ELMO1: variants seen among roughly 807,000 people sequenced by gnomAD.
The protein encoded by ELMO1 is engulfment and cell motility 1.
In ELMO1, 26 loss-of-function variants were observed where a neutral mutation model predicts 98.9. The observed-to-expected ratio is 0.26, with a 90% confidence interval of 0.19 to 0.36. The LOEUF (loss-of-function observed/expected upper bound fraction) is 0.36. ELMO1 is among the 10% of genes least tolerant of loss of function. ELMO1 has a pLI of 1.00. For missense variants in ELMO1, 627 were observed against 935.2 expected, an observed-to-expected ratio of 0.67 and a Z score of 4.30; for synonymous variants, 346 against 346.0, an observed-to-expected ratio of 1.00 and a Z score of 0.00.
At chr7:36,885,526 A>G (rs910847551) in intron 18 of ELMO1, among the ~76,000 whole-genome samples, 2 of 152,166 alleles carry the variant, frequency 1.3e-5, no homozygotes, top group Non-Finnish European at 2.9e-5. Context: ...ATGGGTGTCT[A>G]TTTGCCATTT....
At chr7:37,023,851 T>TG (rs1488316006) in intron 15 of ELMO1, among the ~76,000 whole-genome samples, 1 of 152,198 alleles carries the variant, frequency 6.6e-6, no homozygotes, top group Non-Finnish European at 1.5e-5. Context: ...CTCAAAGTTC[T>TG]GGGATTACAG....
chr7:37,244,168 AG>A (rs1325292343), intron 7 of ELMO1, among the ~76,000 whole-genome samples, 187 bp downstream of exon 7: 1 of 152,174 alleles, frequency 6.6e-6, no homozygotes, highest in Non-Finnish European at 1.5e-5. Flanking sequence ...AAGCAAAAAA[AG>A]GGGGGAAAAT....
At chr7:36,941,382 G>C (rs774946530) in intron 16 of ELMO1, among the ~76,000 whole-genome samples, 1 of 152,184 alleles carries the variant, frequency 6.6e-6, no homozygotes, top group Non-Finnish European at 1.5e-5. Flanking sequence ...TAAGCTCTGG[G>C]TTACACAGGT....
In ELMO1 at chr7:37,163,519, G is replaced by C. The variant is rs1319968900; in HGVS notation, c.1087-30285C>G. Among the ~76,000 whole-genome samples the C allele has an allele frequency of 2.4e-5, 3 of 123,104 alleles. No individual in the cohort carries two copies. The South Asian group carries it at 9.3e-4, about 38-fold the overall frequency. The allele number at this position is 123,104 out of a possible 152,430, so 80.8% of individuals were successfully genotyped here. ...TCCCCCAACCCCACAACAGTCCCCAGAGCGTGATGTTCCCCTTCCTGTGTC... is the reference window on the plus strand; with the variant it reads ...TCCCCCAACCCCACAACAGTCCCCACAGCGTGATGTTCCCCTTCCTGTGTC... On this transcript the variant is annotated intron_variant, in intron 13 of 21. Coordinates refer to ENST00000310758, the MANE Select transcript of ELMO1 (RefSeq NM_014800.11).
intron 13 of ELMO1, among the ~76,000 whole-genome samples, chr7:37,161,391 CTGT>C (rs1789191535): frequency 6.6e-6 from 1 of 152,168 alleles, no homozygotes; most frequent in Non-Finnish European, 1.5e-5. Flanking sequence ...CTTCCTGAGA[CTGT>C]TGAACTGTAC....
chr7:37,311,841 C>T (rs1425993911), intron 4 of ELMO1, among the ~76,000 whole-genome samples: 5 of 152,202 alleles, frequency 3.3e-5, no homozygotes, highest in Non-Finnish European at 7.3e-5. Context: ...ATGAAAAACT[C>T]CATGACAGAC....
intron 13 of ELMO1, among the ~76,000 whole-genome samples, chr7:37,154,596 C>T (rs965944685): frequency 3.3e-5 from 5 of 151,948 alleles, no homozygotes; most frequent in African/African-American, 7.3e-5. Context: ...TGAAAAAGAG[C>T]GAGAAGACAA....
rs944414080 is a variant in ELMO1 at position 37,049,391 on chromosome 7, G to A, written c.1301-35956C>T. Reference sequence around the variant, plus strand: ...AAAGGATTCTGCTTGGTGACCCTTCGAAACCAATTAAAACTATGTGATGCG... The same window carrying A: ...AAAGGATTCTGCTTGGTGACCCTTCAAAACCAATTAAAACTATGTGATGCG... On this transcript the variant is annotated intron_variant, in intron 15 of 21. Transcript: ENST00000310758. Among the ~76,000 whole-genome samples, 7 of 152,096 alleles carry A rather than the reference G, an allele frequency of 4.6e-5. No homozygotes were observed. In the East Asian group the frequency reaches 5.8e-4, roughly 13 times the overall value.
chr7:36,855,193 C>T lies in ELMO1; in HGVS notation c.*358G>A, dbSNP rs140927788. On this transcript the variant is annotated 3_prime_UTR_variant, in exon 22 of 22. Transcript: ENST00000310758. This position sits in a 1 kb window ranked among gnomAD's most constrained non-coding sequence, Gnocchi z 4.2. ...TTGGTCTGGTGGGCAAGTTTTTGGG[C>T]AGTCTGGGGCTGCTGGCTTTCCTGC... The T allele has an allele frequency of 2.5e-4, 71 of 280,380 alleles. No individual in the cohort carries two copies. Among genetic ancestry groups the T allele is most frequent in the African/African-American group, 1.4e-3 (63 of 45,910 alleles). The allele number at this position is 280,380 out of a possible 1,614,324, so 17.4% of individuals were successfully genotyped here.
intron 13 of ELMO1, among the ~76,000 whole-genome samples, chr7:37,164,239 C>T: frequency 6.6e-6 from 1 of 152,012 alleles, no homozygotes; most frequent in Non-Finnish European, 1.5e-5. Flanking sequence ...GGATATTAGC[C>T]CTTTGTCAGA....
chr7:36,891,098 A>G (rs527411667), intron 17 of ELMO1, among the ~76,000 whole-genome samples: 11 of 152,252 alleles, frequency 7.2e-5, no homozygotes, highest in Non-Finnish European at 1.6e-4. Flanking sequence ...CAACCTATTT[A>G]AAACTGCACT....
At chr7:37,105,928 C>A (rs750551665) in intron 14 of ELMO1, among the ~76,000 whole-genome samples, 1 of 152,172 alleles carries the variant, frequency 6.6e-6, no homozygotes, top group Non-Finnish European at 1.5e-5. Flanking sequence ...GGATGATGAT[C>A]ATGTCTTTGG....
intron 15 of ELMO1, among the ~76,000 whole-genome samples, chr7:37,067,931 C>T (rs1478447683): frequency 1.3e-5 from 2 of 152,160 alleles, no homozygotes; most frequent in Non-Finnish European, 2.9e-5. Flanking sequence ...ATAAATAAAA[C>T]AGTTCGAACT....
chr7:37,281,116 T>C (rs1475776533), intron 4 of ELMO1, among the ~76,000 whole-genome samples: 1 of 151,766 alleles, frequency 6.6e-6, no homozygotes, highest in East Asian at 1.9e-4. Context: ...ACTATTATTC[T>C]AAGTAAATTA....
chr7:37,110,064 G>A (rs1028386470), intron 14 of ELMO1, among the ~76,000 whole-genome samples: 2 of 152,222 alleles, frequency 1.3e-5, no homozygotes, highest in Non-Finnish European at 2.9e-5. Flanking sequence ...GAGGTATGTA[G>A]TGGGTACTGC....
intron 16 of ELMO1, among the ~76,000 whole-genome samples, chr7:36,922,347 C>CA (rs750588423): frequency 0.23 from 19,270 of 84,700 alleles, 2,015 homozygotes; most frequent in East Asian, 0.48. Flanking sequence ...CACAGACTTG[C>CA]AAAAAAAAAA....
chr7:37,273,673 C>G (rs1796684446), intron 4 of ELMO1, among the ~76,000 whole-genome samples: 1 of 152,064 alleles, frequency 6.6e-6, no homozygotes, highest in African/African-American at 2.4e-5. Context: ...GGAGGCCTTC[C>G]AGGACTCACC....
In ELMO1 at chr7:36,854,538, CA is replaced by C. The variant is rs70977201; in HGVS notation, c.*1012del. The C allele has an allele frequency of 0.5, 65,789 of 132,722 alleles. 15,358 individuals are homozygous for C. Among genetic ancestry groups the C allele is most frequent in the Non-Finnish European group, 0.55 (34,187 of 61,898 alleles). The allele number at this position is 132,722 out of a possible 1,614,324, so 8.2% of individuals were successfully genotyped here. ...TAGACTCTTTTGTACAAAAACAAAG[CA>C]AAAAAAAAAAAAAAAACTAACCCAA... On this transcript the variant is annotated 3_prime_UTR_variant, in exon 22 of 22. Transcript: ENST00000310758.
intron 1 of ELMO1, among the ~76,000 whole-genome samples, chr7:37,421,370 C>A (rs1401831597): frequency 6.6e-6 from 1 of 152,206 alleles, no homozygotes; most frequent in Non-Finnish European, 1.5e-5. Context: ...CAGTGCTCAC[C>A]CATTTTGCAA....
Sources: gnomAD v4.1 joint callset for allele counts (sites outside exome capture counted in the v4.1 genomes callset) on GRCh38, gnomAD v4.1.1 for gene constraint, Gnocchi (gnomAD v3.1) non-coding constraint, MANE v1.5 for transcripts, NCBI Gene and HGNC (gene_info 2026-07-23, HGNC 2026-07-21) for gene names.